The following ROR1 variants were observed in gnomAD, a reference collection of about 807,000 sequenced individuals.
The protein encoded by ROR1 is ROR family WNT receptor 1, also known as inactive tyrosine-protein kinase transmembrane receptor ROR1.
Under a neutral mutation model 78.8 loss-of-function variants are expected in ROR1, and 19 were observed. The observed-to-expected ratio is 0.24, with a 90% CI of 0.17 to 0.35. The LOEUF is 0.35. ROR1 is among the 10% of genes least tolerant of loss of function. The pLI is 1.00. For synonymous variants in ROR1, 386 were observed against 433.6 expected (o/e 0.89, Z 1.36); for missense variants, 917 against 1,177.8 (o/e 0.78, Z 3.24).
At chr1:64,058,574 G>A (rs1034696246) in intron 4 of ROR1, among the ~76,000 whole-genome samples, 1 of 144,180 alleles carries the variant, frequency 6.9e-6, no homozygotes, top group East Asian at 2.0e-4. Context: ...CTCTTTGTGT[G>A]TCCATTTAGA....
At chr1:63,875,324 A>G (rs925555554) in intron 1 of ROR1, among the ~76,000 whole-genome samples, 3 of 152,190 alleles carry the variant, frequency 2.0e-5, no homozygotes, top group Non-Finnish European at 4.4e-5. Flanking sequence ...AGGTCTTACT[A>G]TCTGAAGTGC....
rs368571395 is a variant in ROR1 at position 63,901,162 on chromosome 1, T to C, written c.92-108143T>C. Among the ~76,000 whole-genome samples, 5 of 152,200 alleles carry C rather than the reference T, an allele frequency of 3.3e-5. No homozygotes were observed. The East Asian group carries it at 9.7e-4, about 29-fold the overall frequency. On this transcript the variant is annotated intron_variant, in intron 1 of 8. Coordinates refer to ENST00000371079, the MANE Select transcript of ROR1 (RefSeq NM_005012.4). ...AACGTGTGTGCTGAATGAATACTGG[T>C]GTTTAAAAGACTGACATGGTGCATG...
intron 1 of ROR1, among the ~76,000 whole-genome samples, chr1:63,877,987 T>C (rs1290439703): frequency 6.6e-6 from 1 of 152,198 alleles, no homozygotes; most frequent in African/African-American, 2.4e-5. Context: ...ATTCTGACCA[T>C]AGAAACATTC....
At chr1:63,947,753 C>T (rs911539040) in intron 1 of ROR1, among the ~76,000 whole-genome samples, 1 of 152,174 alleles carries the variant, frequency 6.6e-6, no homozygotes, top group African/African-American at 2.4e-5. Flanking sequence ...GCATCTGTTA[C>T]AGTGGAGAAT....
chr1:64,142,217 T>A (rs1649337325), intron 6 of ROR1, among the ~76,000 whole-genome samples, 188 bp from the exon 7 acceptor site: 1 of 152,202 alleles, frequency 6.6e-6, no homozygotes, highest in South Asian at 2.1e-4. Flanking sequence ...GGAATGTAAC[T>A]GCAAGGCAGG....
At chr1:64,162,887 G>T (rs4556401) in intron 8 of ROR1, among the ~76,000 whole-genome samples, 75,017 of 151,808 alleles carry the variant, frequency 0.49, 20,160 homozygotes, top group Non-Finnish European at 0.6. Flanking sequence ...TCCTTCCCTT[G>T]CCCCTACATC....
At chr1:63,974,808 A>G (rs781131086) in intron 1 of ROR1, among the ~76,000 whole-genome samples, 8 of 152,016 alleles carry the variant, frequency 5.3e-5, no homozygotes, top group Non-Finnish European at 1.0e-4. Flanking sequence ...ACCGGCTACC[A>G]ACTCTTATTT....
At chr1:64,086,551 A>G (rs931374332) in intron 4 of ROR1, among the ~76,000 whole-genome samples, 5 of 152,202 alleles carry the variant, frequency 3.3e-5, no homozygotes, top group African/African-American at 1.2e-4. Context: ...TTTCACATGC[A>G]CAGTCAGCAT....
At chr1:64,036,903 G>A (rs1163609920) in intron 2 of ROR1, among the ~76,000 whole-genome samples, 1 of 152,200 alleles carries the variant, frequency 6.6e-6, no homozygotes, top group African/African-American at 2.4e-5. Flanking sequence ...TCATTCACAT[G>A]TCTGGTGTCT....
chr1:63,818,155 T>A (rs1644903462), intron 1 of ROR1, among the ~76,000 whole-genome samples: 1 of 152,174 alleles, frequency 6.6e-6, no homozygotes, highest in South Asian at 2.1e-4. Context: ...CCCAGTTCTG[T>A]TCCTTGGAAA....
intron 4 of ROR1, among the ~76,000 whole-genome samples, chr1:64,062,320 G>T (rs1646923921): frequency 6.6e-6 from 1 of 151,924 alleles, no homozygotes; most frequent in Non-Finnish European, 1.5e-5. Context: ...TATTGTTGTT[G>T]TTGTTGTTTT....
At chr1:64,038,177 C>T (rs564816984) in intron 2 of ROR1, among the ~76,000 whole-genome samples, 18 of 152,280 alleles carry the variant, frequency 1.2e-4, no homozygotes, top group African/African-American at 4.1e-4. Flanking sequence ...TTCCCCTCTC[C>T]TGTCTACTCC....
chr1:63,893,964 T>A (rs1645420322), intron 1 of ROR1, among the ~76,000 whole-genome samples: 1 of 152,178 alleles, frequency 6.6e-6, no homozygotes, highest in Non-Finnish European at 1.5e-5. Context: ...TAAGTCAAGA[T>A]CTTTTTCACC....
Position 63,919,380 on chromosome 1 carries a change from T to C in ROR1, c.92-89925T>C, listed in dbSNP as rs192480574. Among the ~76,000 whole-genome samples the C allele has an allele frequency of 9.5e-3, 1,441 of 152,280 alleles. 24 individuals carry two copies. Among genetic ancestry groups the C allele is most frequent in the South Asian group, 0.054 (262 of 4,822 alleles). ...CTTTTAATCAGCAAAAAATTTATTT[T>C]GTCCTTGACATTTTATGCCAAAAAT... On this transcript the variant is annotated intron_variant, in intron 1 of 8. Coordinates refer to ENST00000371079, the MANE Select transcript of ROR1 (RefSeq NM_005012.4).
chr1:63,920,697 A>G (rs896936495), intron 1 of ROR1, among the ~76,000 whole-genome samples: 4 of 152,182 alleles, frequency 2.6e-5, no homozygotes, highest in Non-Finnish European at 4.4e-5. Context: ...TCTCCTGGAC[A>G]CTTAATCATT....
chr1:64,102,966 T>G (rs1647623233), intron 4 of ROR1, among the ~76,000 whole-genome samples: 1 of 152,118 alleles, frequency 6.6e-6, no homozygotes, highest in Non-Finnish European at 1.5e-5. Context: ...ACCCCCCTGT[T>G]GAGAATCATT....
At chr1:63,847,824 T>C (rs1399666398) in intron 1 of ROR1, among the ~76,000 whole-genome samples, 1 of 152,190 alleles carries the variant, frequency 6.6e-6, no homozygotes, top group Admixed American at 6.5e-5. Flanking sequence ...ATATACTCCC[T>C]GCTGCTGATA....
chr1:63,827,199 T>G (rs1644959048), intron 1 of ROR1, among the ~76,000 whole-genome samples: 1 of 152,174 alleles, frequency 6.6e-6, no homozygotes, highest in South Asian at 2.1e-4. Context: ...CTTTGCTGGG[T>G]GCATAGTTTG....
At chr1:63,984,121 A>T (rs1646232726) in intron 1 of ROR1, among the ~76,000 whole-genome samples, 1 of 152,196 alleles carries the variant, frequency 6.6e-6, no homozygotes, top group Non-Finnish European at 1.5e-5. Context: ...GAGATAATCT[A>T]TGTGGAATTA....
Sources: allele counts gnomAD v4.1 joint callset (sites outside exome capture counted in the v4.1 genomes callset), GRCh38; gene constraint gnomAD v4.1.1; transcripts MANE v1.5; gene names NCBI Gene and HGNC (gene_info 2026-07-23, HGNC 2026-07-21).